Variants in PDE3A observed in about 807,000 individuals in gnomAD.
PDE3A encodes the protein cGMP-inhibited 3',5'-cyclic phosphodiesterase 3A.
PDE3A carries 43 observed loss-of-function variants against 98.3 expected under a neutral mutation model. That is an observed-to-expected ratio of 0.44 (90% CI 0.34 to 0.56). The LOEUF (loss-of-function observed/expected upper bound fraction) is 0.56, where lower values mean the gene tolerates loss of function less well. Among genes scored for constraint, PDE3A ranks in the 20% least tolerant of loss-of-function variants. The pLI is 0.01. For missense variants in PDE3A, 1,427 were observed against 1,440.7 expected (o/e 0.99, Z 0.15); for synonymous variants, 663 against 567.9 (o/e 1.17, Z -2.38).
chr12:20,473,831 A>T (rs1945482178), intron 1 of PDE3A, among the ~76,000 whole-genome samples: 2 of 151,968 alleles, frequency 1.3e-5, no homozygotes, highest in Non-Finnish European at 2.9e-5. Flanking sequence ...TCATTTTCCC[A>T]CTATATATTA....
intron 1 of PDE3A, among the ~76,000 whole-genome samples, chr12:20,407,320 TC>T (rs1944250831): frequency 6.6e-6 from 1 of 152,216 alleles, no homozygotes. Context: ...AATTTTGTTT[TC>T]CTCATAAATA....
At chr12:20,635,114 T>C in intron 8 of PDE3A, 58 bp downstream of exon 8, 3 of 1,472,166 alleles carry the variant, frequency 2.0e-6, no homozygotes, top group East Asian at 2.3e-5. Flanking sequence ...CTGTTACAGA[T>C]ATTGGCTCAG....
intron 1 of PDE3A, among the ~76,000 whole-genome samples, chr12:20,500,768 C>CTTTTTTTTT (rs61218707): frequency 7.5e-6 from 1 of 133,366 alleles, no homozygotes; most frequent in African/African-American, 2.7e-5. Context: ...TTCTTTCTTT[C>CTTTTTTTTT]TTTTTTTTTT....
At chr12:20,536,381 A>T (rs1286432213) in intron 1 of PDE3A, among the ~76,000 whole-genome samples, 1 of 151,936 alleles carries the variant, frequency 6.6e-6, no homozygotes. Flanking sequence ...TTATTGAAAT[A>T]TGATTCACAT....
At chr12:20,627,121 ATGGGC>A (rs1229253901) in intron 5 of PDE3A, among the ~76,000 whole-genome samples, 1 of 141,324 alleles carries the variant, frequency 7.1e-6, no homozygotes, top group Non-Finnish European at 1.5e-5. Flanking sequence ...CAATGTTCTC[ATGGGC>A]TTTGAACTAT....
chr12:20,384,181 G>A (rs1443012926), intron 1 of PDE3A, among the ~76,000 whole-genome samples: 1 of 108,842 alleles, frequency 9.2e-6, no homozygotes, highest in Admixed American at 1.1e-4. Context: ...TGATTGGGTT[G>A]ACATTTTTTT....
At chr12:20,605,849 C>T (rs1011873415) in intron 2 of PDE3A, among the ~76,000 whole-genome samples, 13 of 152,102 alleles carry the variant, frequency 8.5e-5, no homozygotes, top group Non-Finnish European at 1.3e-4. Context: ...TAATTCTTTT[C>T]CTCCAGTTAG....
intron 3 of PDE3A, 78 bp downstream of exon 3, chr12:20,613,778 C>A: frequency 9.4e-7 from 1 of 1,067,110 alleles, no homozygotes; most frequent in Non-Finnish European, 1.4e-6. Context: ...CCTGTCACCT[C>A]AACTCCATCT....
rs575187501 is a variant in PDE3A at position 20,500,976 on chromosome 12, C to T, written c.961-55684C>T. On this transcript the variant is annotated intron_variant, in intron 1 of 15. Coordinates refer to ENST00000359062, the MANE Select transcript of PDE3A (RefSeq NM_000921.5). ...AAAGATGGGGTGTCATCATGTTGCC[C>T]AGGCTGGCCCTGAACTCCTGAGCTC... 9.1e-4 allele frequency among the ~76,000 whole-genome samples: 139 copies of T among 152,186 alleles called. 1 individual carries two copies. Among genetic ancestry groups the T allele is most frequent in the African/African-American group, 3.3e-3 (137 of 41,540 alleles).
chr12:20,638,203 A>C (rs1465881385), intron 9 of PDE3A, among the ~76,000 whole-genome samples: 1 of 152,122 alleles, frequency 6.6e-6, no homozygotes, highest in Non-Finnish European at 1.5e-5. Flanking sequence ...CACTCAACAC[A>C]TGTCTCAATG....
At chr12:20,484,782 T>TA (rs1425736148) in intron 1 of PDE3A, among the ~76,000 whole-genome samples, 1 of 152,190 alleles carries the variant, frequency 6.6e-6, no homozygotes, top group African/African-American at 2.4e-5. Flanking sequence ...ACATAACTAA[T>TA]AATGGTCATT....
rs548693815 is a variant in PDE3A at position 20,419,366 on chromosome 12, C to G, written c.960+49122C>G. ...GGAGTGCAGTGGTACGATCATAGCT[C>G]CCTGCAGGCTTGAACTCCTAGGTTC... On this transcript the variant is annotated intron_variant, in intron 1 of 15. Transcript: ENST00000359062. Among the ~76,000 whole-genome samples, 10 of 151,952 alleles carry G rather than the reference C, an allele frequency of 6.6e-5. No individual in the cohort carries two copies. In the East Asian group the frequency reaches 1.9e-3, roughly 29 times the overall value.
intron 5 of PDE3A, among the ~76,000 whole-genome samples, chr12:20,622,467 A>C (rs532963526): frequency 7.2e-5 from 11 of 152,268 alleles, no homozygotes; most frequent in African/African-American, 2.6e-4. Context: ...TTGGAATTAC[A>C]TCAGTAAAAT....
chr12:20,642,186 A>C (rs1481722266), intron 10 of PDE3A, among the ~76,000 whole-genome samples: 1 of 152,138 alleles, frequency 6.6e-6, no homozygotes, highest in Non-Finnish European at 1.5e-5. Context: ...TGCAAATATT[A>C]GAAACTAAAT....
intron 1 of PDE3A, 142 bp downstream of exon 1, chr12:20,370,386 C>T: frequency 1.8e-6 from 1 of 549,382 alleles, no homozygotes; most frequent in Admixed American, 3.9e-5. Context: ...AAGAAACTAG[C>T]AGGTTTTTTT....
At chr12:20,517,496 C>A (rs1946344792) in intron 1 of PDE3A, among the ~76,000 whole-genome samples, 1 of 152,070 alleles carries the variant, frequency 6.6e-6, no homozygotes, top group Admixed American at 6.6e-5. Flanking sequence ...ATAATGGGCA[C>A]CATGATGACA....
chr12:20,541,228 C>A (rs1370122004), intron 1 of PDE3A, among the ~76,000 whole-genome samples: 1 of 151,136 alleles, frequency 6.6e-6, no homozygotes, highest in Non-Finnish European at 1.5e-5. Context: ...TCTAGAATAG[C>A]TAGGACTACC....
intron 2 of PDE3A, among the ~76,000 whole-genome samples, chr12:20,594,238 C>T (rs1213957630): frequency 2.0e-5 from 3 of 151,522 alleles, no homozygotes; most frequent in Non-Finnish European, 2.9e-5. Context: ...GAGGAAAAAG[C>T]GAGGAGGAAA....
chr12:20,670,106 A>G (rs1166613645), intron 15 of PDE3A, among the ~76,000 whole-genome samples: 15 of 150,290 alleles, frequency 1.0e-4, no homozygotes, highest in African/African-American at 3.5e-4. Flanking sequence ...AAAGAAGGCC[A>G]TTACATAATG....
Sources: allele counts gnomAD v4.1 joint callset (sites outside exome capture counted in the v4.1 genomes callset), GRCh38; gene constraint gnomAD v4.1.1; transcripts MANE v1.5; gene names NCBI Gene and HGNC (gene_info 2026-07-23, HGNC 2026-07-21).